UBR2: variants seen among roughly 807,000 people sequenced by gnomAD.
The protein encoded by UBR2 is E3 ubiquitin-protein ligase UBR2.
Under a neutral mutation model 247.9 loss-of-function variants are expected in UBR2, and 92 were observed. The ratio of observed to expected loss-of-function variants is 0.37; its 90% confidence interval spans 0.31 to 0.44. UBR2 has a LOEUF of 0.44. UBR2 is among the 20% of genes least tolerant of loss of function. The probability of loss-of-function intolerance (pLI) is 1.00; values close to 1 mark genes in which losing one functional copy is unlikely to be tolerated. For synonymous variants in UBR2, 672 were observed against 693.5 expected (o/e 0.97, Z 0.49); for missense variants, 1,613 against 2,112.6 (o/e 0.76, Z 4.64).
rs1204613912 is a variant in UBR2, at chr6:42,674,047, AT to A, written c.4184-78del. On this transcript the variant is annotated intron_variant, in intron 37 of 46. Transcript: ENST00000372901. ...AAATTCTCATGTGTCTTGCAAGAAG[AT>A]AAATTTAAAGCAGATTATATGCATT... is the stretch of plus-strand genomic sequence containing the variant. 3.4e-6 allele frequency: 5 copies of A among 1,464,746 alleles called. No homozygotes were observed. In the East Asian group the frequency reaches 1.1e-4, roughly 33 times the overall value. 90.7% of individuals were successfully genotyped at this position (1,464,746 alleles called of 1,614,324 possible).
intron 26 of UBR2, among the ~76,000 whole-genome samples, chr6:42,657,199 C>T (rs1175717040): frequency 6.7e-6 from 1 of 148,870 alleles, no homozygotes; most frequent in African/African-American, 2.5e-5. Context: ...TACACCACTG[C>T]ACTCCAGCCT....
At chr6:42,653,887 G>T (rs1354458630) in intron 25 of UBR2, among the ~76,000 whole-genome samples, 1 of 151,948 alleles carries the variant, frequency 6.6e-6, no homozygotes, top group Non-Finnish European at 1.5e-5. Flanking sequence ...AAAGTGCTAG[G>T]ATTACAAGGC....
intron 32 of UBR2, chr6:42,664,013 C>G (rs1797970527): frequency 6.6e-6 from 1 of 152,204 alleles, no homozygotes; most frequent in African/African-American, 2.4e-5. Flanking sequence ...AAAAAGTTAG[C>G]TGGATGTAGC....
At chr6:42,580,123 A>G (rs573718855) in intron 2 of UBR2, among the ~76,000 whole-genome samples, 2 of 152,294 alleles carry the variant, frequency 1.3e-5, no homozygotes, top group South Asian at 4.1e-4. Flanking sequence ...TGTTTCAATA[A>G]ATACCCAGAG....
At chr6:42,592,463 T>A (rs1406539271) in intron 3 of UBR2, among the ~76,000 whole-genome samples, 2 of 152,196 alleles carry the variant, frequency 1.3e-5, no homozygotes, top group Non-Finnish European at 2.9e-5. Context: ...TCTTCTGTAT[T>A]GGTTTTCAAC....
At position 42,620,481 on chromosome 6, in the gene UBR2, G is replaced by GTTTTTTTTTTTT. The variant is rs796314344; in HGVS notation, c.1281+2975_1281+2986dup. 1.2e-4 allele frequency: 8 copies of GTTTTTTTTTTTT among 66,666 alleles called. 1 individual carries two copies. The highest frequency in any genetic ancestry group is 2.6e-4 in the African/African-American group (7 of 26,842). The allele number at this position is 66,666 out of a possible 1,614,324, so 4.1% of individuals were successfully genotyped here. ...GTTTACTTCCTGAATATTAAGTGTT[G>GTTTTTTTTTTTT]TTTTTTTTTTTTGTTTTTGTTTTTG... On this transcript the variant is annotated intron_variant, in intron 11 of 46. Coordinates refer to ENST00000372901, the MANE Select transcript of UBR2 (RefSeq NM_001363705.2).
At chr6:42,684,247 C>T (rs773133150) in intron 43 of UBR2, among the ~76,000 whole-genome samples, 6 of 152,116 alleles carry the variant, frequency 3.9e-5, no homozygotes, top group Non-Finnish European at 8.8e-5. Context: ...ATGTCTGTCC[C>T]CTCAAAATTC....
In UBR2 at chr6:42,659,890, A is replaced by G. The variant is rs1348943130; in HGVS notation, c.3442+35A>G. The G allele has an allele frequency of 1.3e-6, 2 of 1,592,914 alleles. No homozygotes were observed. The highest frequency in any genetic ancestry group is 1.7e-5 in the Admixed American group (1 of 59,836). On this transcript the variant is annotated intron_variant, in intron 30 of 46. Transcript: ENST00000372901. The surrounding 1 kb of genome is among the most constrained non-coding windows in gnomAD (Gnocchi z 4.3). ...AGCTAGATCCTCATCTTCCCTTTTA[A>G]TAACAACTGCCAGTTAATGTGGTTG...
chr6:42,682,920 A>T, intron 42 of UBR2, 135 bp from the exon 43 acceptor site: 1 of 691,942 alleles, frequency 1.4e-6, no homozygotes, highest in Non-Finnish European at 2.4e-6. Flanking sequence ...TAGTATTTCT[A>T]CAGGTTTCTT....
intron 22 of UBR2, among the ~76,000 whole-genome samples, chr6:42,649,164 C>T (rs1029069794): frequency 1.2e-4 from 19 of 152,134 alleles, no homozygotes; most frequent in African/African-American, 4.1e-4. Flanking sequence ...CCCGCCACCA[C>T]ACCTGGCTAA....
intron 39 of UBR2, 35 bp from the exon 40 acceptor site, chr6:42,676,747 GA>G: frequency 6.5e-7 from 1 of 1,528,608 alleles, no homozygotes; most frequent in Non-Finnish European, 9.1e-7. Context: ...CACTTAATTG[GA>G]AAATACAGAG....
chr6:42,683,017 A>G (rs1448581661), intron 42 of UBR2, 38 bp from the exon 43 acceptor site: 8 of 1,521,324 alleles, frequency 5.3e-6, no homozygotes, highest in Non-Finnish European at 7.1e-6. Flanking sequence ...AACCCTTTAA[A>G]AGTGTTTTGT....
chr6:42,619,568 GT>G (rs976722029), intron 11 of UBR2: 38 of 221,522 alleles, frequency 1.7e-4, no homozygotes, highest in Non-Finnish European at 2.9e-4. Flanking sequence ...GGCCAACATG[GT>G]GAAACCCCAT....
rs1793706686 is a variant in UBR2 at position 42,606,499 on chromosome 6, T to A, written c.802-90T>A. The A allele has an allele frequency of 3.6e-6, 4 of 1,115,414 alleles. No individual in the cohort carries two copies. In the South Asian group the frequency reaches 5.5e-5, roughly 15 times the overall value. The allele number at this position is 1,115,414 out of a possible 1,614,324, so 69.1% of individuals were successfully genotyped here. On this transcript the variant is annotated intron_variant, in intron 6 of 46. Coordinates refer to ENST00000372901, the MANE Select transcript of UBR2 (RefSeq NM_001363705.2). Reference sequence around the variant, plus strand: ...AAATATTGAAAATTGATCAGAATTGTTATATGCTTAAACATGTTTGTTTAC... The same window carrying A: ...AAATATTGAAAATTGATCAGAATTGATATATGCTTAAACATGTTTGTTTAC...
chr6:42,609,665 G>A (rs1343427585), intron 7 of UBR2, among the ~76,000 whole-genome samples: 1 of 151,806 alleles, frequency 6.6e-6, no homozygotes, highest in Non-Finnish European at 1.5e-5. Flanking sequence ...CAGGCAGATT[G>A]CTTAAACCCA....
At chr6:42,623,475 G>A (rs1015367256) in intron 11 of UBR2, among the ~76,000 whole-genome samples, 21 of 151,966 alleles carry the variant, frequency 1.4e-4, no homozygotes, top group African/African-American at 4.3e-4. Flanking sequence ...TTTTTGAGAC[G>A]GAGCCTCACT....
At chr6:42,672,721 T>C (rs1278368292) in intron 36 of UBR2, among the ~76,000 whole-genome samples, 1 of 152,100 alleles carries the variant, frequency 6.6e-6, no homozygotes, top group Non-Finnish European at 1.5e-5. Context: ...TGTTCAAGCT[T>C]TCCCTTCCCT....
At chr6:42,629,672 AT>A (rs1795578997) in intron 11 of UBR2, among the ~76,000 whole-genome samples, 1 of 152,028 alleles carries the variant, frequency 6.6e-6, no homozygotes, top group Admixed American at 6.6e-5. Context: ...AATATATATA[AT>A]TTTTTAGGGT....
chr6:42,686,943 C>T (rs1467423263), intron 44 of UBR2, among the ~76,000 whole-genome samples: 1 of 149,964 alleles, frequency 6.7e-6, no homozygotes, highest in East Asian at 2.0e-4. Flanking sequence ...GGGGCAGAGG[C>T]GCTCCCCACA....
Sources: gnomAD v4.1 joint callset for allele counts (sites outside exome capture counted in the v4.1 genomes callset) on GRCh38, gnomAD v4.1.1 for gene constraint, Gnocchi (gnomAD v3.1) non-coding constraint, MANE v1.5 for transcripts, NCBI Gene and HGNC (gene_info 2026-07-23, HGNC 2026-07-21) for gene names.